The following PCSK5 variants were observed in gnomAD, a reference collection of about 807,000 sequenced individuals.
PCSK5 encodes prohormone convertase 5.
Under a neutral mutation model 233.2 loss-of-function variants are expected in PCSK5, and 129 were observed. The ratio of observed to expected loss-of-function variants is 0.55; its 90% confidence interval spans 0.48 to 0.64. The LOEUF (loss-of-function observed/expected upper bound fraction) is 0.64, where lower values mean the gene tolerates loss of function less well. Among genes scored for constraint, PCSK5 ranks in the 30% least tolerant of loss-of-function variants. The pLI is 0.00. For synonymous variants in PCSK5, 825 were observed against 879.2 expected (o/e 0.94, Z 1.09); for missense variants, 2,076 against 2,430.1 (o/e 0.85, Z 3.06).
chr9:76,307,996 A>G (rs1413305542), intron 28 of PCSK5, among the ~76,000 whole-genome samples: 1 of 152,030 alleles, frequency 6.6e-6, no homozygotes, highest in Non-Finnish European at 1.5e-5. Flanking sequence ...TCAAGAGTTC[A>G]AGACCAGCTG....
At chr9:76,198,952 T>C (rs925654538) in intron 20 of PCSK5, among the ~76,000 whole-genome samples, 2 of 152,120 alleles carry the variant, frequency 1.3e-5, no homozygotes, top group Admixed American at 6.6e-5. Context: ...AAAAATAGCA[T>C]GAAACCTTAA....
chr9:76,091,803 G>A (rs1442781988), intron 7 of PCSK5, among the ~76,000 whole-genome samples: 2 of 152,104 alleles, frequency 1.3e-5, no homozygotes, highest in East Asian at 3.9e-4. Flanking sequence ...CTCTCTCTGT[G>A]CCCCTTCAGG....
intron 20 of PCSK5, among the ~76,000 whole-genome samples, chr9:76,212,091 C>T (rs571807325): frequency 8.7e-4 from 133 of 152,274 alleles, no homozygotes; most frequent in Non-Finnish European, 1.4e-3. Flanking sequence ...TAACTACTTA[C>T]CTTCTCTTCG....
At chr9:75,913,320 C>A (rs62559227) in intron 1 of PCSK5, among the ~76,000 whole-genome samples, 8,271 of 152,194 alleles carry the variant, frequency 0.054, 330 homozygotes, top group African/African-American at 0.1. Context: ...CATTTTGATG[C>A]GTCGGTAGTC....
chr9:75,982,513 C>T (rs567948019), intron 2 of PCSK5, among the ~76,000 whole-genome samples: 1 of 152,236 alleles, frequency 6.6e-6, no homozygotes, highest in South Asian at 2.1e-4. Flanking sequence ...AAAGTGATAT[C>T]TCAGTTTGGT....
At chr9:76,191,932 G>C (rs1275498077) in intron 20 of PCSK5, among the ~76,000 whole-genome samples, 1 of 119,008 alleles carries the variant, frequency 8.4e-6, no homozygotes, top group Admixed American at 7.9e-5. Context: ...TACAAATATT[G>C]GCCAGGCATG....
chr9:76,128,521 G>A (rs1247428310), intron 9 of PCSK5, among the ~76,000 whole-genome samples: 2 of 152,120 alleles, frequency 1.3e-5, no homozygotes, highest in Non-Finnish European at 2.9e-5. Flanking sequence ...TTTCATAGGG[G>A]CTGCAAAAAA....
intron 24 of PCSK5, among the ~76,000 whole-genome samples, chr9:76,244,590 A>G (rs1375153444): frequency 9.4e-6 from 1 of 105,938 alleles, no homozygotes; most frequent in Non-Finnish European, 1.9e-5. Context: ...TTAGCTTTGT[A>G]TTCCTTTCCA....
chr9:76,169,948 T>G, intron 13 of PCSK5, 108 bp downstream of exon 13: 2 of 855,436 alleles, frequency 2.3e-6, no homozygotes. Context: ...TCTCATGTGG[T>G]TCATTTCATG....
At chr9:75,903,589 A>ATATATAT (rs201890432) in intron 1 of PCSK5, among the ~76,000 whole-genome samples, 1 of 128,790 alleles carries the variant, frequency 7.8e-6, no homozygotes, top group Admixed American at 7.7e-5. Flanking sequence ...TATATATATA[A>ATATATAT]AATATATATT....
At chr9:76,159,714 C>T (rs781493366) in intron 12 of PCSK5, among the ~76,000 whole-genome samples, 1 of 151,972 alleles carries the variant, frequency 6.6e-6, no homozygotes, top group Admixed American at 6.6e-5. Context: ...AATACGGGTG[C>T]CTGTGTGCCA....
At chr9:75,981,277 C>T (rs1288824610) in intron 2 of PCSK5, among the ~76,000 whole-genome samples, 1 of 152,142 alleles carries the variant, frequency 6.6e-6, no homozygotes, top group Non-Finnish European at 1.5e-5. Context: ...AATTTCAAAG[C>T]TGGAAGAAAG....
chr9:75,966,945 C>G (rs1331896593), intron 2 of PCSK5, among the ~76,000 whole-genome samples: 2 of 152,108 alleles, frequency 1.3e-5, no homozygotes, highest in Non-Finnish European at 2.9e-5. Context: ...CTAGTTCTGC[C>G]TCTATATGGC....
chr9:76,183,111 A>G (rs1823944659), intron 16 of PCSK5, among the ~76,000 whole-genome samples: 1 of 152,216 alleles, frequency 6.6e-6, no homozygotes, highest in Non-Finnish European at 1.5e-5. Flanking sequence ...AGAAATATGC[A>G]GTATTCCTTG....
intron 20 of PCSK5, among the ~76,000 whole-genome samples, chr9:76,225,106 G>A (rs766489295): frequency 3.3e-5 from 5 of 152,202 alleles, no homozygotes; most frequent in Non-Finnish European, 7.3e-5. Flanking sequence ...TCTGGGTCTA[G>A]CAGAGTCCTG....
chr9:75,988,072 A>C (rs536655780), intron 3 of PCSK5, among the ~76,000 whole-genome samples: 6 of 152,220 alleles, frequency 3.9e-5, no homozygotes, highest in Non-Finnish European at 8.8e-5. Context: ...CAGTGCCTGC[A>C]TAGTGAGATC....
intron 2 of PCSK5, among the ~76,000 whole-genome samples, chr9:75,964,050 C>A (rs1825470424): frequency 1.3e-5 from 2 of 152,174 alleles, no homozygotes; most frequent in Non-Finnish European, 2.9e-5. Flanking sequence ...GAAACAACAT[C>A]CAACTGCTTC....
chr9:76,344,347 AC>A (rs1829920474), intron 35 of PCSK5, among the ~76,000 whole-genome samples: 1 of 84,790 alleles, frequency 1.2e-5, no homozygotes, highest in East Asian at 3.9e-4. Flanking sequence ...CTCACCACCC[AC>A]CATTCCCAGG....
At chr9:76,091,375 T>G (rs1433333954) in intron 7 of PCSK5, among the ~76,000 whole-genome samples, 1 of 152,066 alleles carries the variant, frequency 6.6e-6, no homozygotes, top group Non-Finnish European at 1.5e-5. Flanking sequence ...TATCTCTTCC[T>G]CTGTTTATAA....
Sources: allele counts gnomAD v4.1 joint callset (sites outside exome capture counted in the v4.1 genomes callset), GRCh38; gene constraint gnomAD v4.1.1; transcripts MANE v1.5; gene names NCBI Gene and HGNC (gene_info 2026-07-23, HGNC 2026-07-21).